The following TAF4B variants were observed in gnomAD, a reference collection of about 807,000 sequenced individuals.
TAF4B encodes the protein transcription initiation factor TFIID subunit 4B.
TAF4B carries 38 observed loss-of-function variants against 86.4 expected under a neutral mutation model. That is an observed-to-expected ratio of 0.44 (90% CI 0.34 to 0.58). The LOEUF is 0.58. TAF4B is among the 20% of genes least tolerant of loss of function. The pLI is 0.02. For missense variants in TAF4B, 988 were observed against 1,027.6 expected (o/e 0.96, Z 0.53); for synonymous variants, 388 against 391.2 (o/e 0.99, Z 0.10).
At position 26,391,053 on chromosome 18, in the gene TAF4B, TTGA is replaced by T. The variant is rs1215694930; in HGVS notation, c.*1048_*1050del. 1 of 152,160 alleles carries T rather than the reference TTGA, an allele frequency of 6.6e-6. No homozygotes were observed. The highest frequency in any genetic ancestry group is 1.5e-5 in the Non-Finnish European group (1 of 68,010). The allele number at this position is 152,160 out of a possible 1,614,324, so 9.4% of individuals were successfully genotyped here. A position where few individuals can be genotyped will look rare whatever the true frequency, so the allele number is the denominator to read the frequency against. On this transcript the variant is annotated 3_prime_UTR_variant, in exon 15 of 15. Transcript: ENST00000269142. ...TGTTGGCACATTTAAAAAATCCTAATTGATGATGAGAAATTTTTAACAATAGGA... is the reference window on the plus strand; with the variant it reads ...TGTTGGCACATTTAAAAAATCCTAATTGATGAGAAATTTTTAACAATAGGA...
chr18:26,265,776 C>T (rs1210551163), intron 2 of TAF4B, among the ~76,000 whole-genome samples: 1 of 152,146 alleles, frequency 6.6e-6, no homozygotes, highest in Non-Finnish European at 1.5e-5. Flanking sequence ...TCAGGCTGGT[C>T]TTGAATTCTT....
chr18:26,274,288 A>T (rs915964864), intron 3 of TAF4B, among the ~76,000 whole-genome samples: 1 of 152,226 alleles, frequency 6.6e-6, no homozygotes, highest in Non-Finnish European at 1.5e-5. Context: ...AAAGACTTTC[A>T]GATACTTCTT....
chr18:26,311,120 T>G (rs1013593333), intron 9 of TAF4B, among the ~76,000 whole-genome samples: 1 of 152,144 alleles, frequency 6.6e-6, no homozygotes, highest in Admixed American at 6.5e-5. Flanking sequence ...TGAAGATGAT[T>G]AATATGATCA....
intron 13 of TAF4B, among the ~76,000 whole-genome samples, chr18:26,345,683 C>T (rs1014045053): frequency 6.6e-6 from 1 of 152,162 alleles, no homozygotes; most frequent in Admixed American, 6.5e-5. Flanking sequence ...AAATTTTTCT[C>T]TGTGAAACCT....
At chr18:26,388,961 G>A (rs1001122764) in intron 14 of TAF4B, among the ~76,000 whole-genome samples, 5 of 152,058 alleles carry the variant, frequency 3.3e-5, no homozygotes, top group Non-Finnish European at 5.9e-5. Flanking sequence ...ACAGGCATGC[G>A]CCACCACACC....
intron 7 of TAF4B, among the ~76,000 whole-genome samples, chr18:26,287,315 A>G (rs2056536298): frequency 6.6e-6 from 1 of 152,170 alleles, no homozygotes; most frequent in African/African-American, 2.4e-5. Context: ...CATTTAATCT[A>G]GAATACTTCT....
At chr18:26,243,247 A>C (rs1195975410) in intron 1 of TAF4B, among the ~76,000 whole-genome samples, 1 of 151,778 alleles carries the variant, frequency 6.6e-6, no homozygotes, top group African/African-American at 2.4e-5. Context: ...TGGTCTTTTT[A>C]CATAGTCCCA....
chr18:26,234,750 C>G (rs945038614), intron 1 of TAF4B, among the ~76,000 whole-genome samples: 1 of 152,176 alleles, frequency 6.6e-6, no homozygotes, highest in African/African-American at 2.4e-5. Flanking sequence ...TCTCCATCCT[C>G]TAGGAGAAAA....
At chr18:26,341,894 T>C (rs1320249210) in intron 13 of TAF4B, among the ~76,000 whole-genome samples, 3 of 149,396 alleles carry the variant, frequency 2.0e-5, no homozygotes, top group Admixed American at 1.3e-4. Context: ...TAATGTTTAG[T>C]AGTTTTTTTT....
intron 13 of TAF4B, among the ~76,000 whole-genome samples, chr18:26,336,971 T>C (rs1056185297): frequency 2.6e-5 from 4 of 152,222 alleles, no homozygotes; most frequent in African/African-American, 9.6e-5. Context: ...CCGTAAGGGA[T>C]GAATAGGTAG....
intron 7 of TAF4B, among the ~76,000 whole-genome samples, chr18:26,291,523 A>G (rs1330266612): frequency 6.6e-6 from 1 of 152,020 alleles, no homozygotes. Context: ...CCTGGCCAAC[A>G]TAGTGAAACC....
Position 26,327,150 on chromosome 18 carries a change from A to G in TAF4B, c.2259+10A>G. Reference sequence around the variant, plus strand: ...ACTTAAGGCAGCCAAGGTAAGGGCCAGTGTGATTTATGAGTGAATGTGGCC... The same window carrying G: ...ACTTAAGGCAGCCAAGGTAAGGGCCGGTGTGATTTATGAGTGAATGTGGCC... On this transcript the variant is annotated intron_variant, in intron 12 of 14. Coordinates refer to ENST00000269142, the MANE Select transcript of TAF4B (RefSeq NM_005640.3). 1 of 1,608,936 alleles carries G rather than the reference A, an allele frequency of 6.2e-7. No homozygotes were observed. The highest frequency in any genetic ancestry group is 8.5e-7 in the Non-Finnish European group (1 of 1,179,138).
At chr18:26,360,223 C>G (rs1335865642) in intron 14 of TAF4B, among the ~76,000 whole-genome samples, 1 of 152,084 alleles carries the variant, frequency 6.6e-6, no homozygotes, top group African/African-American at 2.4e-5. Context: ...CATTAGTGTG[C>G]CTATCTCACC....
In TAF4B at chr18:26,335,140, G is replaced by T. The variant is rs765312763; in HGVS notation, c.2260-35G>T. 5.4e-6 allele frequency: 8 copies of T among 1,478,444 alleles called. No individual in the cohort carries two copies. In the South Asian group the frequency reaches 9.2e-5, roughly 17 times the overall value. 91.6% of individuals were successfully genotyped at this position (1,478,444 alleles called of 1,614,324 possible). On this transcript the variant is annotated intron_variant, in intron 12 of 14. Transcript: ENST00000269142. ...TGGCAACTATGGTGTTCAGATGCTA[G>T]TAATTTCTATTAAAATTTTCTTTTC...
chr18:26,250,496 CAAAA>C (rs9304494), intron 1 of TAF4B, among the ~76,000 whole-genome samples: 31 of 135,672 alleles, frequency 2.3e-4, no homozygotes, highest in Admixed American at 2.9e-4. Context: ...GACTCCATCT[CAAAA>C]AAAAAAAAAA....
Position 26,274,976 on chromosome 18 carries a change from T to C in TAF4B, c.805T>C (p.Leu269=), listed in dbSNP as rs764568133. ...GAAATGCAAGAACTTCCTTGCAATG[T>C]TAATAAAACTAGCATGTAGTGGATC... ...VKKCKNFLAM[L]IKLACSGSQS... The change falls in exon 5 of 15, where the codon TTA becomes CTA. Residue 269 remains leucine, a synonymous_variant. Coordinates refer to ENST00000269142, the MANE Select transcript of TAF4B (RefSeq NM_005640.3). 1.2e-6 allele frequency: 2 copies of C among 1,613,110 alleles called. No homozygotes were observed. The highest frequency in any genetic ancestry group is 2.7e-5 in the African/African-American group (2 of 74,900).
intron 9 of TAF4B, among the ~76,000 whole-genome samples, chr18:26,308,001 G>T (rs778086886): frequency 1.3e-5 from 2 of 152,112 alleles, no homozygotes; most frequent in Non-Finnish European, 2.9e-5. Flanking sequence ...CCAGCTACTT[G>T]GGAGGCTGAG....
chr18:26,345,714 G>A (rs768509320), intron 13 of TAF4B, among the ~76,000 whole-genome samples: 21 of 152,126 alleles, frequency 1.4e-4, no homozygotes, highest in Non-Finnish European at 2.9e-4. Context: ...ATTGGAAGAG[G>A]CGACTTTTCT....
chr18:26,368,926 A>G (rs1227833686), intron 14 of TAF4B, among the ~76,000 whole-genome samples: 2 of 152,178 alleles, frequency 1.3e-5, no homozygotes, highest in African/African-American at 4.8e-5. Context: ...CAAGTCCCAC[A>G]TAGAGAGGCT....
Sources: allele counts gnomAD v4.1 joint callset (sites outside exome capture counted in the v4.1 genomes callset), GRCh38; gene constraint gnomAD v4.1.1; transcripts MANE v1.5; gene names NCBI Gene and HGNC (gene_info 2026-07-23, HGNC 2026-07-21).